The following PGAP1 variants were observed in gnomAD, a reference collection of about 807,000 sequenced individuals.
PGAP1 encodes the protein post-GPI attachment to proteins inositol deacylase 1.
PGAP1 carries 76 observed loss-of-function variants against 127.0 expected under a neutral mutation model. The observed-to-expected ratio is 0.60, with a 90% CI of 0.50 to 0.72. PGAP1 has a LOEUF of 0.72. PGAP1 is among the 30% of genes least tolerant of loss of function. The probability of loss-of-function intolerance (pLI) is 0.00; values close to 1 mark genes in which losing one functional copy is unlikely to be tolerated. For synonymous variants in PGAP1, 362 were observed against 366.5 expected (o/e 0.99, Z 0.14); for missense variants, 982 against 1,071.3 (o/e 0.92, Z 1.16).
intron 12 of PGAP1, among the ~76,000 whole-genome samples, chr2:196,882,975 T>C (rs1286727815): frequency 1.3e-5 from 2 of 152,194 alleles, no homozygotes; most frequent in African/African-American, 4.8e-5. Flanking sequence ...TTCAGTATGA[T>C]GTTGGCTGTG....
In PGAP1 at chr2:196,920,067, T is replaced by C. The variant is rs767044174; in HGVS notation, c.231A>G (p.Glu77=). ...YLYGEGSYAE[E]HKILPLTGIP... Reference sequence around the variant, plus strand: ...TACCCGTCAAAGGGAGAATTTTGTGTTCTTCAGCATAGGATCCCTCTCCAT... The same window carrying C: ...TACCCGTCAAAGGGAGAATTTTGTGCTCTTCAGCATAGGATCCCTCTCCAT... The change falls in exon 2 of 27, where the codon GAA becomes GAG. Residue 77 remains glutamate (E), a synonymous_variant. Transcript: ENST00000354764. 1 of 1,613,542 alleles carries C rather than the reference T, an allele frequency of 6.2e-7. No homozygotes were observed. Among genetic ancestry groups the C allele is most frequent in the African/African-American group, 1.3e-5 (1 of 75,028 alleles).
chr2:196,851,663 G>C (rs1004407655), intron 20 of PGAP1, among the ~76,000 whole-genome samples: 1 of 152,038 alleles, frequency 6.6e-6, no homozygotes, highest in Non-Finnish European at 1.5e-5. Context: ...GCTTAGAACT[G>C]GTGTGCAGTA....
chr2:196,848,513 A>G lies in PGAP1; in HGVS notation c.1862-476T>C, dbSNP rs1360976504. ...AACCAGTAATCTACTTTCCTTCTCT[A>G]AAGATAGGCCTATTCTGAACACTTC... On this transcript the variant is annotated intron_variant, in intron 20 of 26. Transcript: ENST00000354764. Among the ~76,000 whole-genome samples the G allele has an allele frequency of 2.0e-5, 3 of 152,230 alleles. No individual in the cohort carries two copies. In the East Asian group the frequency reaches 5.8e-4, roughly 29 times the overall value.
At chr2:196,861,225 A>G (rs1701053302) in intron 20 of PGAP1, among the ~76,000 whole-genome samples, 2 of 152,206 alleles carry the variant, frequency 1.3e-5, no homozygotes, top group East Asian at 1.9e-4. Context: ...CGACGAAACT[A>G]CCACAAGAAT....
At chr2:196,906,898 A>G (rs2125831378) in intron 4 of PGAP1, among the ~76,000 whole-genome samples, 2 of 130,108 alleles carry the variant, frequency 1.5e-5, no homozygotes, top group East Asian at 4.3e-4. Flanking sequence ...GGAAGTTTAG[A>G]GAAAAAAGAA....
At chr2:196,890,977 C>T (rs1410629209) in intron 9 of PGAP1, 66 bp from the exon 10 acceptor site, 2 of 792,352 alleles carry the variant, frequency 2.5e-6, no homozygotes, top group East Asian at 2.5e-5. Flanking sequence ...ATTCAAAAAT[C>T]CAGATATAGC....
intron 1 of PGAP1, chr2:196,922,604 A>G: frequency 1.2e-6 from 1 of 814,370 alleles, no homozygotes; most frequent in Non-Finnish European, 1.5e-6. Flanking sequence ...ACACACACAC[A>G]CACACACACA....
At chr2:196,895,983 A>C (rs1236748360) in intron 7 of PGAP1, among the ~76,000 whole-genome samples, 1 of 152,230 alleles carries the variant, frequency 6.6e-6, no homozygotes, top group Non-Finnish European at 1.5e-5. Flanking sequence ...GAATAAGATG[A>C]CCTGAGGTAA....
At chr2:196,873,146 T>G in intron 16 of PGAP1, 120 bp from the exon 17 acceptor site, 1 of 470,942 alleles carries the variant, frequency 2.1e-6, no homozygotes, top group Non-Finnish European at 3.8e-6. Flanking sequence ...CAGTACAGGT[T>G]ATATTACATG....
At chr2:196,912,817 C>A in intron 4 of PGAP1, 65 bp downstream of exon 4, 1 of 1,429,118 alleles carries the variant, frequency 7.0e-7, no homozygotes, top group Non-Finnish European at 9.4e-7. Context: ...GGAATAGCCA[C>A]AGAGATTGAT....
rs1281217418 is a variant in PGAP1, at chr2:196,834,159, TAA to T, written c.*7073_*7074del. ...TGAAGATTAGTTTTTCCAAGTGTGGTAAGTTCAGAACAATGCTACCACCTTCT... is the reference window on the plus strand; with the variant it reads ...TGAAGATTAGTTTTTCCAAGTGTGGTGTTCAGAACAATGCTACCACCTTCT... On this transcript the variant is annotated 3_prime_UTR_variant, in exon 27 of 27. Transcript: ENST00000354764. 1 of 152,024 alleles carries T rather than the reference TAA, an allele frequency of 6.6e-6. No individual in the cohort carries two copies. Among genetic ancestry groups the T allele is most frequent in the East Asian group, 1.9e-4 (1 of 5,198 alleles). 9.4% of individuals were successfully genotyped at this position (152,024 alleles called of 1,614,324 possible).
intron 20 of PGAP1, among the ~76,000 whole-genome samples, chr2:196,849,021 A>AT (rs1553595612): frequency 6.6e-6 from 1 of 152,126 alleles, no homozygotes; most frequent in Non-Finnish European, 1.5e-5. Context: ...TCCACAGGTG[A>AT]TTTTTGATAA....
At chr2:196,884,378 T>C (rs531712134) in intron 12 of PGAP1, among the ~76,000 whole-genome samples, 9 of 152,300 alleles carry the variant, frequency 5.9e-5, no homozygotes, top group Admixed American at 4.6e-4. Context: ...CTTAAAAATG[T>C]TCAAGAGTCA....
At chr2:196,915,423 A>G (rs1702975690) in intron 3 of PGAP1, among the ~76,000 whole-genome samples, 1 of 152,172 alleles carries the variant, frequency 6.6e-6, no homozygotes, top group Non-Finnish European at 1.5e-5. Flanking sequence ...GCATACATGG[A>G]ATGCCTAATG....
chr2:196,853,380 T>C (rs1415925429), intron 20 of PGAP1, among the ~76,000 whole-genome samples: 1 of 152,262 alleles, frequency 6.6e-6, no homozygotes, highest in South Asian at 2.1e-4. Context: ...ACATCTCAAT[T>C]GTTCCATGTA....
chr2:196,912,579 T>TC (rs1702862205), intron 4 of PGAP1, among the ~76,000 whole-genome samples: 1 of 120,092 alleles, frequency 8.3e-6, no homozygotes, highest in Non-Finnish European at 1.7e-5. Context: ...GACCCTGTCT[T>TC]TAAAAAAAAA....
intron 17 of PGAP1, 127 bp downstream of exon 17, chr2:196,872,833 G>A: frequency 1.7e-6 from 1 of 589,632 alleles, no homozygotes; most frequent in Non-Finnish European, 3.0e-6. Flanking sequence ...TAGGAACAAT[G>A]CTACATAAAG....
chr2:196,879,959 T>A, intron 13 of PGAP1, 117 bp downstream of exon 13: 1 of 720,042 alleles, frequency 1.4e-6, no homozygotes, highest in Admixed American at 2.4e-5. Flanking sequence ...CTTAGGTGGA[T>A]CATCAAACTG....
chr2:196,898,813 G>A (rs1435819620), intron 5 of PGAP1, among the ~76,000 whole-genome samples: 2 of 151,928 alleles, frequency 1.3e-5, no homozygotes, highest in African/African-American at 4.8e-5. Context: ...CATCAGTGGT[G>A]TACCTAAGAA....
Sources: allele counts gnomAD v4.1 joint callset (sites outside exome capture counted in the v4.1 genomes callset), GRCh38; gene constraint gnomAD v4.1.1; transcripts MANE v1.5; gene names NCBI Gene and HGNC (gene_info 2026-07-23, HGNC 2026-07-21).